The following CCDC85C variants were observed in gnomAD, a reference collection of about 807,000 sequenced individuals.
CCDC85C encodes the protein coiled-coil domain containing 85C.
In CCDC85C, 18 loss-of-function variants were observed where a neutral mutation model predicts 38.3. The observed-to-expected ratio is 0.47, with a 90% CI of 0.33 to 0.70. The LOEUF (loss-of-function observed/expected upper bound fraction) is 0.70, where lower values mean the gene tolerates loss of function less well. CCDC85C is among the 30% of genes least tolerant of loss of function. The pLI, the probability that CCDC85C is intolerant of heterozygous loss-of-function variation, is 0.03. For missense variants in CCDC85C, 566 were observed against 621.2 expected (o/e 0.91, Z 0.94); for synonymous variants, 264 against 293.8 (o/e 0.90, Z 1.04).
At chr14:99,542,557 C>T (rs190982719) in intron 1 of CCDC85C, among the ~76,000 whole-genome samples, 2 of 152,330 alleles carry the variant, frequency 1.3e-5, no homozygotes, top group African/African-American at 4.8e-5. Context: ...GGCAAAGTGG[C>T]AGCCACAGAC....
Position 99,535,939 on chromosome 14 carries a change from A to AGGGTGCCCTGGGTGAGCTGGAGGGGT in CCDC85C, c.867+50_867+75dup. 9.0e-7 allele frequency: 1 copy of AGGGTGCCCTGGGTGAGCTGGAGGGGT among 1,109,248 alleles called. No individual in the cohort carries two copies. The highest frequency in any genetic ancestry group is 1.3e-5 in the South Asian group (1 of 75,216). 68.7% of individuals were successfully genotyped at this position (1,109,248 alleles called of 1,614,324 possible). ...GGGGACAGCCTAGGTCCCAAGGGGA[A>AGGGTGCCCTGGGTGAGCTGGAGGGGT]GGGTGCCCTGGGTGAGCTGGAGGGG... On this transcript the variant is annotated intron_variant, in intron 2 of 5. Transcript: ENST00000380243. The surrounding 1 kb of genome is among the most constrained non-coding windows in gnomAD (Gnocchi z 5.5).
At chr14:99,597,633 C>T (rs2055157031) in intron 1 of CCDC85C, among the ~76,000 whole-genome samples, 2 of 152,208 alleles carry the variant, frequency 1.3e-5, no homozygotes, top group Admixed American at 1.3e-4. Flanking sequence ...GGGCTGCCCA[C>T]AGCACTAACC....
chr14:99,565,368 T>G (rs1566775623), intron 1 of CCDC85C, among the ~76,000 whole-genome samples: 1 of 152,196 alleles, frequency 6.6e-6, no homozygotes. Context: ...CCCCCTGGCA[T>G]GCAATGCCTG....
intron 1 of CCDC85C, among the ~76,000 whole-genome samples, chr14:99,602,008 G>C (rs998671935): frequency 6.6e-6 from 1 of 152,150 alleles, no homozygotes; most frequent in Non-Finnish European, 1.5e-5. Context: ...GGGGTTCTGG[G>C]GAGGGCAGTT....
intron 1 of CCDC85C, among the ~76,000 whole-genome samples, chr14:99,578,451 G>A (rs927885673): frequency 3.3e-5 from 5 of 152,132 alleles, no homozygotes; most frequent in Non-Finnish European, 7.3e-5. Flanking sequence ...TCCCCGTCAT[G>A]CAGTAGTTCT....
chr14:99,501,346 C>T lies in CCDC85C; in HGVS notation c.*13900G>A, dbSNP rs781579005. The T allele has an allele frequency of 4.4e-6, 7 of 1,584,024 alleles. No homozygotes were observed. Among genetic ancestry groups the T allele is most frequent in the African/African-American group, 1.3e-5 (1 of 74,244 alleles). On this transcript the variant is annotated 3_prime_UTR_variant, in exon 6 of 6. Transcript: ENST00000380243. The stretch of plus-strand genomic sequence containing the variant: ...TTGCTATTAATTTACCTTTTTGTCC[C>T]CATTTCTAGGTGATAAAAACAAAAT...
intron 1 of CCDC85C, chr14:99,580,234 C>G (rs1199267649): frequency 9.5e-6 from 4 of 421,234 alleles, no homozygotes; most frequent in Non-Finnish European, 1.9e-5. Flanking sequence ...CCCAGGGACA[C>G]AGCCCACGTG....
intron 1 of CCDC85C, among the ~76,000 whole-genome samples, chr14:99,538,351 A>G (rs548118390): frequency 1.3e-5 from 2 of 152,326 alleles, no homozygotes; most frequent in African/African-American, 2.4e-5. Context: ...AGACTCAGAA[A>G]GAAGACGCCA....
Position 99,517,072 on chromosome 14 carries a change from G to A in CCDC85C, c.1071+16C>T, listed in dbSNP as rs1217020321. On this transcript the variant is annotated intron_variant, in intron 4 of 5. Transcript: ENST00000380243. The stretch of plus-strand genomic sequence containing the variant: ...AGCATCTGAGGACTTCTGAGGGAGC[G>A]GGTAGTGGCCCTCACCTTCATGGCA... The A allele has an allele frequency of 2.3e-5, 36 of 1,548,398 alleles. No homozygotes were observed. Among genetic ancestry groups the A allele is most frequent in the Non-Finnish European group, 2.5e-5 (29 of 1,145,088 alleles).
intron 3 of CCDC85C, among the ~76,000 whole-genome samples, chr14:99,521,404 T>C (rs1405607692): frequency 6.6e-6 from 1 of 152,198 alleles, no homozygotes; most frequent in Non-Finnish European, 1.5e-5. Context: ...GGGGTCAGCC[T>C]TGTGGGCAAG....
chr14:99,522,155 G>A lies in CCDC85C; in HGVS notation c.953C>T (p.Ser318Phe). The A allele has an allele frequency of 6.4e-7, 1 of 1,551,110 alleles. No individual in the cohort carries two copies. The highest frequency in any genetic ancestry group is 8.7e-7 in the Non-Finnish European group (1 of 1,146,848). The change falls in exon 3 of 6, where the codon TCC becomes TTC. Residue 318 changes from serine (S) to phenylalanine (F), a missense_variant. By Grantham distance (155) the Ser-to-Phe change is radical. Coordinates refer to ENST00000380243, the MANE Select transcript of CCDC85C (RefSeq NM_001144995.2). ...SESQLASLPP[S>F]YQDSLQNGPA... ...CACGTTCTGCAGGGAGTCCTGGTAG[G>A]AGGGCGGCAGGGACGCAAGCTGGGA...
Position 99,576,011 on chromosome 14 carries a change from C to A in CCDC85C, c.793+27156G>T, listed in dbSNP as rs1380191137. On this transcript the variant is annotated intron_variant, in intron 1 of 5. Coordinates refer to ENST00000380243, the MANE Select transcript of CCDC85C (RefSeq NM_001144995.2). This position sits in a 1 kb window ranked among gnomAD's most constrained non-coding sequence, Gnocchi z 4.8. ...CCAGAAACTGAGCTGCAACAGAAAA[C>A]CCGGGGGAAACCCGCTGCTGTGACC... Among the ~76,000 whole-genome samples, 1 of 152,236 alleles carries A rather than the reference C, an allele frequency of 6.6e-6. No homozygotes were observed. Among genetic ancestry groups the A allele is most frequent in the Admixed American group, 6.5e-5 (1 of 15,288 alleles).
chr14:99,565,029 G>A (rs555891836), intron 1 of CCDC85C, among the ~76,000 whole-genome samples: 140 of 152,294 alleles, frequency 9.2e-4, no homozygotes, highest in African/African-American at 2.3e-3. Context: ...ACCCTCTCCC[G>A]GCAGCCCGCG....
intron 1 of CCDC85C, among the ~76,000 whole-genome samples, chr14:99,593,342 C>G (rs2055108859): frequency 6.6e-6 from 1 of 152,234 alleles, no homozygotes; most frequent in Non-Finnish European, 1.5e-5. Context: ...TGGGTCGACT[C>G]TTCTCCATAG....
chr14:99,503,722 TTTTC>T lies in CCDC85C; in HGVS notation c.*11520_*11523del. The T allele has an allele frequency of 7.8e-7, 1 of 1,276,728 alleles. No homozygotes were observed. The highest frequency in any genetic ancestry group is 1.4e-5 in the South Asian group (1 of 73,488). The allele number at this position is 1,276,728 out of a possible 1,614,324, so 79.1% of individuals were successfully genotyped here. On this transcript the variant is annotated 3_prime_UTR_variant, in exon 6 of 6. Transcript: ENST00000380243. ...TTAAATTCTTAGCCAACATTGTTTC[TTTTC>T]AGATCTAAATTGGCCTTAAATCTTA...
chr14:99,506,513 GC>G lies in CCDC85C; in HGVS notation c.*8732del, dbSNP rs3918107. 2.6e-5 allele frequency: 4 copies of G among 153,740 alleles called. No homozygotes were observed. The highest frequency in any genetic ancestry group is 9.7e-5 in the African/African-American group (4 of 41,446). 9.5% of individuals were successfully genotyped at this position (153,740 alleles called of 1,614,324 possible). A position where few individuals can be genotyped will look rare whatever the true frequency, so the allele number is the denominator to read the frequency against. On this transcript the variant is annotated 3_prime_UTR_variant, in exon 6 of 6. Transcript: ENST00000380243. Reference sequence around the variant, plus strand: ...CCTGACTGCTGGGCTTTTGTGAGCGGCACATTCTTCCTGCCATCAGTGTGTC... The same window carrying G: ...CCTGACTGCTGGGCTTTTGTGAGCGGACATTCTTCCTGCCATCAGTGTGTC...
In CCDC85C at chr14:99,535,994, C is replaced by T. The variant is rs759519774; in HGVS notation, c.867+21G>A. On this transcript the variant is annotated intron_variant, in intron 2 of 5. Coordinates refer to ENST00000380243, the MANE Select transcript of CCDC85C (RefSeq NM_001144995.2). This position sits in a 1 kb window ranked among gnomAD's most constrained non-coding sequence, Gnocchi z 5.5. ...TGCTGGGTCGCGGTCCTCAAGGCAG[C>T]GCCACCCGAAGCCGGCCTACCTGTG... 26 of 1,546,312 alleles carry T rather than the reference C, an allele frequency of 1.7e-5. No homozygotes were observed. In the Admixed American group the frequency reaches 2.4e-4, roughly 14 times the overall value.
intron 2 of CCDC85C, among the ~76,000 whole-genome samples, chr14:99,531,289 T>C (rs1263785485): frequency 6.6e-6 from 1 of 152,094 alleles, no homozygotes; most frequent in African/African-American, 2.4e-5. Flanking sequence ...AGCTGGCTTT[T>C]TTGGCGCACA....
At chr14:99,538,282 A>C (rs1349996660) in intron 1 of CCDC85C, among the ~76,000 whole-genome samples, 1 of 152,334 alleles carries the variant, frequency 6.6e-6, no homozygotes, top group East Asian at 1.9e-4. Context: ...TTTAGGACCC[A>C]GTGTTTCTGG....
Sources: gnomAD v4.1 joint callset for allele counts (sites outside exome capture counted in the v4.1 genomes callset) on GRCh38, gnomAD v4.1.1 for gene constraint, Gnocchi (gnomAD v3.1) non-coding constraint, MANE v1.5 for transcripts, NCBI Gene and HGNC (gene_info 2026-07-23, HGNC 2026-07-21) for gene names.